TAAR2: variants seen among roughly 807,000 people sequenced by gnomAD.
TAAR2 encodes the protein trace amine associated receptor 2.
Under a neutral mutation model 25.5 loss-of-function variants are expected in TAAR2, and 30 were observed. The ratio of observed to expected loss-of-function variants is 1.18; its 90% CI spans 0.88 to 1.60. TAAR2 has a LOEUF of 1.60. Among genes scored for constraint, TAAR2 ranks in the 40% most tolerant of loss-of-function variants. TAAR2 has a pLI of 0.00. For synonymous variants in TAAR2, 150 were observed against 142.4 expected (o/e 1.05, Z -0.38); for missense variants, 481 against 416.5 (o/e 1.15, Z -1.35).
At chr6:132,623,245 GC>G (rs1777399370) in intron 1 of TAAR2, among the ~76,000 whole-genome samples, 1 of 152,208 alleles carries the variant, frequency 6.6e-6, no homozygotes, top group African/African-American at 2.4e-5. Context: ...AAGGAGGTAA[GC>G]TTTTCCAGGA....
At position 132,617,534 on chromosome 6, in the gene TAAR2, C is replaced by G. The variant is rs1348763573; in HGVS notation, c.672G>C (p.Met224Ile). Residue 224 changes from methionine to isoleucine, a missense_variant, in exon 2 of 2, where the codon ATG (methionine) becomes ATC (isoleucine). Transcript: ENST00000367931. ...FMAGFFTPGS[M>I]MVGIYGKIFA... ...AAATTTTGCCATAAATCCCCACCAT[C>G]ATAGACCCAGGAGTGAAGAAACCTG... is the stretch of plus-strand genomic sequence containing the variant. 1.2e-6 allele frequency: 2 copies of G among 1,614,036 alleles called. No homozygotes were observed. The highest frequency in any genetic ancestry group is 1.1e-5 in the South Asian group (1 of 91,082).
At chr6:132,619,792 G>A (rs572594005) in intron 1 of TAAR2, among the ~76,000 whole-genome samples, 16 of 152,296 alleles carry the variant, frequency 1.1e-4, no homozygotes, top group South Asian at 4.1e-4. Flanking sequence ...GACTGCACAG[G>A]AATGTTCCAG....
chr6:132,622,114 G>A (rs1191947007), intron 1 of TAAR2, among the ~76,000 whole-genome samples: 1 of 151,744 alleles, frequency 6.6e-6, no homozygotes, highest in Non-Finnish European at 1.5e-5. Flanking sequence ...AGATCTTTTC[G>A]CCATTACTGT....
Position 132,617,231 on chromosome 6 carries a change from T to C in TAAR2, c.975A>G (p.Ala325=), listed in dbSNP as rs373768235. The change falls in exon 2 of 2, where the codon GCA becomes GCG. Residue 325 remains alanine (A), a synonymous_variant. Coordinates refer to ENST00000367931, the MANE Select transcript of TAAR2 (RefSeq NM_001033080.1). ...YGFFYPWFRR[A]LKYILLGKIF... The stretch of plus-strand genomic sequence containing the variant: ...TTTTACCTAGCAAAATGTACTTCAG[T>C]GCTCTGCGAAACCAGGGATAGAAGA... 31 of 1,613,188 alleles carry C rather than the reference T, an allele frequency of 1.9e-5. No homozygotes were observed. The Admixed American group carries it at 2.0e-4, about 10-fold the overall frequency.
rs1478304286 is a variant in TAAR2, at chr6:132,617,974, T to C, written c.232A>G (p.Thr78Ala). The change falls in exon 2 of 2, where the codon ACC becomes GCC. Residue 78 changes from threonine to alanine, a missense_variant. Transcript: ENST00000367931. ...ISYFKQLHTP[T>A]NFLILSMAIT... ...GCCATGGAGAGGATGAGGAAGTTGG[T>C]TGGTGTGTGAAGCTGCTTGAAGTAG... The C allele has an allele frequency of 1.2e-6, 2 of 1,613,764 alleles. No individual in the cohort carries two copies. Among genetic ancestry groups the C allele is most frequent in the Non-Finnish European group, 1.7e-6 (2 of 1,179,934 alleles).
chr6:132,618,036 G>T lies in TAAR2; in HGVS notation c.170C>A (p.Thr57Lys), dbSNP rs753717203. The change falls in exon 2 of 2, where the codon ACA becomes AAA. Residue 57 changes from threonine to lysine, a missense_variant. Transcript: ENST00000367931. ...YSFMAGSIFI[T>K]IFGNLAMIIS... ...TATCATGGCAAGATTGCCAAATATT[G>T]TGATGAATATGGATCCTGCCATAAA... 7 of 1,613,922 alleles carry T rather than the reference G, an allele frequency of 4.3e-6. No individual in the cohort carries two copies. In the African/African-American group the frequency reaches 6.7e-5, roughly 15 times the overall value.
intron 1 of TAAR2, among the ~76,000 whole-genome samples, chr6:132,622,488 T>TTTTTTTTTTTTTTTTG: frequency 7.6e-6 from 1 of 130,794 alleles, no homozygotes. Flanking sequence ...CTTTTTTTTT[T>TTTTTTTTTTTTTTTTG]TTTTTTTTTT....
At chr6:132,619,262 C>T (rs1470022364) in intron 1 of TAAR2, among the ~76,000 whole-genome samples, 4 of 152,202 alleles carry the variant, frequency 2.6e-5, no homozygotes, top group Non-Finnish European at 2.9e-5. Flanking sequence ...CCATGCCCTC[C>T]TTGTGTTGGG....
chr6:132,622,717 C>A lies in TAAR2; in HGVS notation c.60+1499G>T, dbSNP rs376181017. On this transcript the variant is annotated intron_variant, in intron 1 of 1. Transcript: ENST00000367931. ...GCCAGGATGGTCTCCATTTCCTGAC[C>A]TCATCATTCGCCCACCTTGGCCTCC... Among the ~76,000 whole-genome samples, 9 of 152,150 alleles carry A rather than the reference C, an allele frequency of 5.9e-5. No homozygotes were observed. The East Asian group carries it at 1.5e-3, about 26-fold the overall frequency.
In TAAR2 at chr6:132,624,267, G is replaced by A. The variant is rs762959007; in HGVS notation, c.9C>T (p.Val3=). The change falls in exon 1 of 2, where the codon GTC becomes GTT. Residue 3 remains valine, a synonymous_variant. Transcript: ENST00000367931. MA[V]SSEQHELSHF... is the part of the protein sequence containing the mutation. ...GTGAAAGTTCATGTTGCTCTGATGA[G>A]ACAGCCATGGGAGGCAAGATACCCC... The A allele has an allele frequency of 2.5e-6, 4 of 1,613,424 alleles. No homozygotes were observed. The South Asian group carries it at 4.4e-5, about 18-fold the overall frequency.
intron 1 of TAAR2, among the ~76,000 whole-genome samples, chr6:132,619,703 C>T (rs373068118): frequency 1.1e-4 from 17 of 152,128 alleles, no homozygotes; most frequent in South Asian, 4.1e-4. Flanking sequence ...AAAGCAACAG[C>T]GGCGATCACC....
Position 132,624,263 on chromosome 6 carries a change from A to T in TAAR2, c.13T>A (p.Ser5Thr). The T allele has an allele frequency of 6.2e-7, 1 of 1,613,478 alleles. No homozygotes were observed. The highest frequency in any genetic ancestry group is 2.2e-5 in the East Asian group (1 of 44,798). The change falls in exon 1 of 2, where the codon TCA becomes ACA. Residue 5 changes from serine to threonine, a missense_variant. Physicochemically the swap from Ser to Thr is moderately conservative, Grantham distance 58. Transcript: ENST00000367931. ...AAATGTGAAAGTTCATGTTGCTCTG[A>T]TGAGACAGCCATGGGAGGCAAGATA... MAVS[S>T]EQHELSHFKR...
intron 1 of TAAR2, among the ~76,000 whole-genome samples, chr6:132,621,156 T>TA (rs66712280): frequency 0.021 from 3,014 of 141,104 alleles, 56 homozygotes; most frequent in Middle Eastern, 0.044. Context: ...AAAGTAAAGC[T>TA]AAAAAAAAAA....
At chr6:132,622,477 A>ATTTT (rs1777386969) in intron 1 of TAAR2, among the ~76,000 whole-genome samples, 3 of 68,420 alleles carry the variant, frequency 4.4e-5, no homozygotes, top group Admixed American at 1.5e-4. Flanking sequence ...TTTAGTAACC[A>ATTTT]CTTTTTTTTT....
At chr6:132,618,216 G>C (rs1025132805) in intron 1 of TAAR2, 71 bp from the exon 2 acceptor site, 26 of 1,386,212 alleles carry the variant, frequency 1.9e-5, no homozygotes, top group Non-Finnish European at 2.4e-5. Flanking sequence ...TGCTTTCATA[G>C]AAAAACTCAA....
At chr6:132,622,127 C>T (rs1318474619) in intron 1 of TAAR2, among the ~76,000 whole-genome samples, 3 of 151,818 alleles carry the variant, frequency 2.0e-5, no homozygotes, top group Non-Finnish European at 2.9e-5. Context: ...ATTACTGTTA[C>T]GTTTCTAAAA....
chr6:132,622,512 G>A (rs1469386899), intron 1 of TAAR2, among the ~76,000 whole-genome samples: 5 of 96,472 alleles, frequency 5.2e-5, no homozygotes, highest in African/African-American at 1.6e-4. Context: ...TTGAGGCGGA[G>A]TCTCCCTCTG....
In TAAR2 at chr6:132,617,754, TA is replaced by T; in HGVS notation, c.451del (p.Tyr151IlefsTer5). On this transcript the variant is annotated frameshift_variant, in exon 2 of 2. Transcript: ENST00000367931. LOFTEE classifies it high-confidence loss of function. ...GACTGGAATAGTTATTTTGGTGGAA[TA>T]AAGTAATGGGTAACATATAGCATAA... ...RFYAICYPLL[Y>X]STKITIPVIK... The T allele has an allele frequency of 1.2e-6, 2 of 1,614,028 alleles. No homozygotes were observed. The highest frequency in any genetic ancestry group is 2.2e-5 in the South Asian group (2 of 91,084).
At chr6:132,623,955 T>A (rs1432696520) in intron 1 of TAAR2, among the ~76,000 whole-genome samples, 1 of 152,060 alleles carries the variant, frequency 6.6e-6, no homozygotes, top group Non-Finnish European at 1.5e-5. Flanking sequence ...AGCAGAAGAA[T>A]GCGCATGTGT....
Sources: allele counts gnomAD v4.1 joint callset (sites outside exome capture counted in the v4.1 genomes callset), GRCh38; gene constraint gnomAD v4.1.1; transcripts MANE v1.5; gene names NCBI Gene and HGNC (gene_info 2026-07-23, HGNC 2026-07-21).